The following LZTS2 variants were observed in gnomAD, a reference collection of about 807,000 sequenced individuals.
The protein encoded by LZTS2 is leucine zipper tumor suppressor 2.
LZTS2 carries 32 observed loss-of-function variants against 60.6 expected under a neutral mutation model. That is an observed-to-expected ratio of 0.53 (90% CI 0.40 to 0.71). The LOEUF (loss-of-function observed/expected upper bound fraction) is 0.71. LZTS2 is among the 30% of genes least tolerant of loss of function. LZTS2 has a pLI of 0.00. For missense variants in LZTS2, 792 were observed against 901.9 expected (o/e 0.88, Z 1.56); for synonymous variants, 360 against 393.1 (o/e 0.92, Z 1.00).
At chr10:101,006,674 C>T in exon 4 of LZTS2, 1 of 1,592,056 alleles carries the variant, frequency 6.3e-7, no homozygotes, top group Non-Finnish European at 8.6e-7. Flanking sequence ...GGAGCTGGAG[C>T]TGGAAGCCTG....
exon 1 of LZTS2, chr10:101,000,905 C>G (rs1420782379): frequency 6.6e-6 from 1 of 152,492 alleles, no homozygotes; most frequent in Non-Finnish European, 1.5e-5. Context: ...ACACCTCTTC[C>G]TGGTTCGCAG....
At chr10:101,004,306 C>T in intron 2 of LZTS2, 140 bp downstream of exon 3, 1 of 952,714 alleles carries the variant, frequency 1.0e-6, no homozygotes, top group Non-Finnish European at 1.5e-6. Context: ...CACCAGTTGT[C>T]TGGTTTAATG....
At chr10:101,005,641 C>T in exon 3 of LZTS2, 1 of 1,610,340 alleles carries the variant, frequency 6.2e-7, no homozygotes, top group Non-Finnish European at 8.5e-7. Context: ...GCGCGAACAG[C>T]TGGAGCGGCG....
exon 4 of LZTS2, chr10:101,006,641 C>A: frequency 6.3e-7 from 1 of 1,589,744 alleles, no homozygotes; most frequent in Admixed American, 1.8e-5. Flanking sequence ...TGCGCGGGGT[C>A]TACAGGAGGC....
At chr10:101,007,246 C>T (rs1051598025) in exon 4 of LZTS2, 10 of 1,448,388 alleles carry the variant, frequency 6.9e-6, no homozygotes, top group East Asian at 2.4e-5. Context: ...CCAGGGTCCA[C>T]GGATGGCCCC....
At chr10:101,004,194 G>T in intron 2 of LZTS2, 28 bp downstream of exon 3, 1 of 1,570,722 alleles carries the variant, frequency 6.4e-7, no homozygotes, top group South Asian at 1.2e-5. Flanking sequence ...GATGGGGAAG[G>T]GGCATGGCAG....
chr10:101,000,717 TCACTC>T (rs1057358983), exon 1 of LZTS2: 7 of 152,426 alleles, frequency 4.6e-5, no homozygotes, highest in Admixed American at 3.9e-4. Context: ...TCCCCACTGT[TCACTC>T]CACACCCTGG....
chr10:101,001,433 G>A (rs1244735835), exon 1 of LZTS2: 1 of 152,230 alleles, frequency 6.6e-6, no homozygotes, highest in African/African-American at 2.4e-5. Context: ...TCATGCTCCT[G>A]TGCATGTAGT....
At chr10:101,007,522 C>T (rs970385059) in exon 4 of LZTS2, 8 of 1,333,692 alleles carry the variant, frequency 6.0e-6, no homozygotes, top group Non-Finnish European at 7.9e-6. Flanking sequence ...TCTTCACATT[C>T]CCCCCGACCC....
chr10:101,003,795 A>G, exon 2 of LZTS2: 2 of 1,613,142 alleles, frequency 1.2e-6, no homozygotes, highest in Non-Finnish European at 8.5e-7. Flanking sequence ...CACCTACAGC[A>G]CCGGAGGTGC....
intron 2 of LZTS2, among the ~76,000 whole-genome samples, chr10:101,005,237 A>G (rs1193696954): frequency 6.6e-6 from 1 of 152,192 alleles, no homozygotes; most frequent in African/African-American, 2.4e-5. Context: ...CCGGAGCTTA[A>G]GTGATCCACC....
exon 1 of LZTS2, chr10:100,999,842 C>CGGGCCAGGGCCGGGGCCGGGGCCG (rs1851991787): frequency 6.8e-6 from 1 of 147,878 alleles, no homozygotes; most frequent in Non-Finnish European, 1.5e-5. Context: ...TGGCGGCGCG[C>CGGGCCAGGGCCGGGGCCGGGGCCG]GGGCCAGGGC....
chr10:101,005,808 C>A, intron 3 of LZTS2, 93 bp downstream of exon 4: 1 of 1,398,602 alleles, frequency 7.2e-7, no homozygotes, highest in East Asian at 2.5e-5. Flanking sequence ...GCCTGCCACC[C>A]CCAGAGGTCC....
intron 3 of LZTS2, 59 bp downstream of exon 4, chr10:101,005,774 G>T: frequency 6.9e-7 from 1 of 1,451,730 alleles, no homozygotes; most frequent in South Asian, 1.4e-5. Context: ...CCTGGAAAAA[G>T]GGGCCCAGCC....
chr10:101,002,345 A>AG (rs1314287603), exon 1 of LZTS2: 2 of 499,852 alleles, frequency 4.0e-6, no homozygotes, highest in African/African-American at 4.0e-5. Context: ...TTTGGGGCCC[A>AG]GGGGGAATTG....
At chr10:101,003,970 G>A (rs1188962723) in exon 2 of LZTS2, 1 of 1,611,894 alleles carries the variant, frequency 6.2e-7, no homozygotes, top group Non-Finnish European at 8.5e-7. Context: ...CGTGTGGCTG[G>A]GGGGCTTTTG....
rs771652410 is a variant in LZTS2, at chr10:101,005,614, G to A, written c.1225G>A (p.Ala409Thr). 69 of 1,611,204 alleles carry A rather than the reference G, an allele frequency of 4.3e-5. No individual in the cohort carries two copies. In the South Asian group the frequency reaches 6.6e-4, roughly 15 times the overall value. Reference sequence around the variant, plus strand: ...GAAGCGGCAATTGCAGGACGACTTCGCACAGCTGCTGCAGGAGCGCGAACA... The same window carrying A: ...GAAGCGGCAATTGCAGGACGACTTCACACAGCTGCTGCAGGAGCGCGAACA... The change falls in exon 3 of 4, where the codon GCA becomes ACA. Residue 409 changes from alanine to threonine, a missense_variant. By Grantham distance (58) the Ala-to-Thr change is moderately conservative. Transcript: ENST00000370220.
chr10:101,007,432 A>G (rs540871579), exon 4 of LZTS2: 2 of 1,453,476 alleles, frequency 1.4e-6, no homozygotes, highest in African/African-American at 1.4e-5. Flanking sequence ...CACCGCTGCC[A>G]GTGCCACTGC....
chr10:101,006,343 A>G (rs1334069681), intron 3 of LZTS2, 142 bp from the exon 5 acceptor site: 1 of 1,410,898 alleles, frequency 7.1e-7, no homozygotes, highest in East Asian at 2.5e-5. Flanking sequence ...TGGACATGTC[A>G]CTAGACTTGC....
Sources: gnomAD v4.1 joint callset for allele counts (sites outside exome capture counted in the v4.1 genomes callset) on GRCh38, gnomAD v4.1.1 for gene constraint, MANE v1.5 for transcripts, NCBI Gene and HGNC (gene_info 2026-07-23, HGNC 2026-07-21) for gene names.